ESF1: variants seen among roughly 807,000 people sequenced by gnomAD.
ESF1 encodes the protein ESF1 homolog.
A neutral mutation model predicts 92.0 loss-of-function variants in ESF1; 58 were observed. That is an observed-to-expected ratio of 0.63 (90% CI 0.51 to 0.78). The LOEUF is 0.78. Ranked by LOEUF, ESF1 falls within the 30% of genes least tolerant of loss-of-function variation. The probability of loss-of-function intolerance (pLI) is 0.00; values close to 1 mark genes in which losing one functional copy is unlikely to be tolerated. For missense variants in ESF1, 922 were observed against 989.1 expected (o/e 0.93, Z 0.91); for synonymous variants, 321 against 313.7 (o/e 1.02, Z -0.24).
chr20:13,779,929 T>C (rs1038500171), intron 2 of ESF1, among the ~76,000 whole-genome samples: 26 of 152,246 alleles, frequency 1.7e-4, no homozygotes, highest in African/African-American at 6.3e-4. Context: ...GTGCAAGTGC[T>C]GGGCATGAAC....
chr20:13,739,186 GTTTT>G (rs891468107), intron 9 of ESF1, among the ~76,000 whole-genome samples: 2 of 151,146 alleles, frequency 1.3e-5, no homozygotes, highest in East Asian at 3.9e-4. Flanking sequence ...CAATGAACAC[GTTTT>G]TTTTTGTTGC....
chr20:13,757,396 TTTTG>T (rs751908922), intron 9 of ESF1, among the ~76,000 whole-genome samples: 6 of 151,862 alleles, frequency 4.0e-5, no homozygotes, highest in East Asian at 1.9e-4. Flanking sequence ...CATTACTATG[TTTTG>T]TTTGTTTGTT....
At chr20:13,761,282 T>C (rs377305385) in intron 8 of ESF1, among the ~76,000 whole-genome samples, 8,102 of 151,272 alleles carry the variant, frequency 0.054, 424 homozygotes, top group African/African-American at 0.13. Flanking sequence ...AAACCAGAGA[T>C]CTTTGTTCAC....
chr20:13,776,368 T>C (rs1237741925), intron 2 of ESF1, 98 bp from the exon 3 acceptor site: 1 of 1,193,724 alleles, frequency 8.4e-7, no homozygotes, highest in East Asian at 2.4e-5. Context: ...AAAATATAAT[T>C]TCTATGAAAC....
At chr20:13,718,430 A>G (rs1383046840) in intron 12 of ESF1, among the ~76,000 whole-genome samples, 1 of 152,232 alleles carries the variant, frequency 6.6e-6, no homozygotes, top group Non-Finnish European at 1.5e-5. Context: ...TCACTGAAGC[A>G]TAAGGTTCAC....
intron 11 of ESF1, among the ~76,000 whole-genome samples, chr20:13,723,888 C>G (rs2049884301): frequency 6.6e-6 from 1 of 152,164 alleles, no homozygotes; most frequent in African/African-American, 2.4e-5. Context: ...TTACTTCCAC[C>G]AGGTACTAAA....
intron 2 of ESF1, among the ~76,000 whole-genome samples, chr20:13,779,876 C>G (rs1980102097): frequency 6.6e-6 from 1 of 152,154 alleles, no homozygotes; most frequent in South Asian, 2.1e-4. Flanking sequence ...AATGCACATT[C>G]TTTGCACACA....
chr20:13,735,650 A>G (rs1204689033), intron 9 of ESF1, among the ~76,000 whole-genome samples: 1 of 152,152 alleles, frequency 6.6e-6, no homozygotes, highest in Non-Finnish European at 1.5e-5. Flanking sequence ...TAAAATTTTA[A>G]ATGTACAGTG....
chr20:13,750,220 C>T (rs1337150594), intron 9 of ESF1, among the ~76,000 whole-genome samples: 1 of 152,166 alleles, frequency 6.6e-6, no homozygotes, highest in Non-Finnish European at 1.5e-5. Flanking sequence ...TATGCCCTAT[C>T]CAGGCTGGGC....
chr20:13,726,939 A>G (rs1337326699), intron 11 of ESF1, among the ~76,000 whole-genome samples: 1 of 152,262 alleles, frequency 6.6e-6, no homozygotes, highest in African/African-American at 2.4e-5. Context: ...AACACTCTGA[A>G]ATCAAAAGTA....
At chr20:13,745,734 G>A (rs1404234386) in intron 9 of ESF1, among the ~76,000 whole-genome samples, 2 of 152,170 alleles carry the variant, frequency 1.3e-5, no homozygotes, top group African/African-American at 2.4e-5. Flanking sequence ...TTACAGGCAT[G>A]AGCTACCATG....
chr20:13,780,357 C>T (rs1338527231), intron 2 of ESF1, among the ~76,000 whole-genome samples: 2 of 152,216 alleles, frequency 1.3e-5, no homozygotes, highest in Middle Eastern at 3.2e-3. Context: ...GAAGTGGATG[C>T]TAGACTAACT....
At chr20:13,721,066 T>C (rs2049864810) in intron 11 of ESF1, among the ~76,000 whole-genome samples, 1 of 152,090 alleles carries the variant, frequency 6.6e-6, no homozygotes, top group African/African-American at 2.4e-5. Flanking sequence ...GAGGTTGCAG[T>C]GAGCAGAGAT....
At position 13,784,842 on chromosome 20, in the gene ESF1, C is replaced by A. The variant is rs537390340; in HGVS notation, c.-44+38G>T. On this transcript the variant is annotated intron_variant, in intron 1 of 13. Coordinates refer to ENST00000617257, the MANE Select transcript of ESF1 (RefSeq NM_001276380.2). ...CACACACACACGCCCTCAAGCCCTTCATCTCGAGCTCTTCAACTCCAGTCC... is the reference window on the plus strand; with the variant it reads ...CACACACACACGCCCTCAAGCCCTTAATCTCGAGCTCTTCAACTCCAGTCC... 1.5e-5 allele frequency: 9 copies of A among 586,874 alleles called. No homozygotes were observed. In the South Asian group the frequency reaches 1.8e-4, roughly 12 times the overall value. 36.4% of individuals were successfully genotyped at this position (586,874 alleles called of 1,614,324 possible).
intron 9 of ESF1, among the ~76,000 whole-genome samples, chr20:13,743,602 T>C (rs546970573): frequency 5.3e-5 from 8 of 152,266 alleles, no homozygotes; most frequent in East Asian, 3.9e-4. Context: ...AGAGAACATA[T>C]TATGTTCGGT....
At chr20:13,719,756 A>G (rs1265885745) in intron 11 of ESF1, among the ~76,000 whole-genome samples, 6 of 152,174 alleles carry the variant, frequency 3.9e-5, no homozygotes. Flanking sequence ...GAATACTGGA[A>G]GAGACAAAGA....
intron 11 of ESF1, among the ~76,000 whole-genome samples, chr20:13,722,201 T>C (rs540494877): frequency 6.6e-6 from 1 of 151,506 alleles, no homozygotes; most frequent in South Asian, 2.1e-4. Flanking sequence ...TGGTGAAGAG[T>C]CTTAAAAATA....
chr20:13,752,562 C>A (rs1978687964), intron 9 of ESF1, among the ~76,000 whole-genome samples: 1 of 152,146 alleles, frequency 6.6e-6, no homozygotes, highest in African/African-American at 2.4e-5. Context: ...CAAAACTAAA[C>A]AGTGAACAGG....
At chr20:13,736,400 A>T (rs980505030) in intron 9 of ESF1, among the ~76,000 whole-genome samples, 20 of 152,302 alleles carry the variant, frequency 1.3e-4, no homozygotes, top group African/African-American at 4.8e-4. Context: ...CAATATTTGA[A>T]CCACATAAGT....
Sources: gnomAD v4.1 joint callset for allele counts (sites outside exome capture counted in the v4.1 genomes callset) on GRCh38, gnomAD v4.1.1 for gene constraint, MANE v1.5 for transcripts, NCBI Gene and HGNC (gene_info 2026-07-23, HGNC 2026-07-21) for gene names.